Variants in NALCN observed in about 807,000 individuals in gnomAD.
NALCN encodes sodium leak channel NALCN.
A neutral mutation model predicts 225.3 loss-of-function variants in NALCN; 111 were observed. That is an observed-to-expected ratio of 0.49 (90% CI 0.42 to 0.58). NALCN has a LOEUF of 0.58. Ranked by LOEUF, NALCN falls within the 20% of genes least tolerant of loss-of-function variation. The pLI, the probability that NALCN is intolerant of heterozygous loss-of-function variation, is 0.00. For synonymous variants in NALCN, 764 were observed against 769.0 expected, an observed-to-expected ratio of 0.99 and a Z score of 0.11; for missense variants, 1,378 against 2,202.4, an observed-to-expected ratio of 0.63 and a Z score of 7.49.
chr13:101,073,767 G>A, intron 36 of NALCN, 90 bp from the exon 37 acceptor site: 1 of 1,096,266 alleles, frequency 9.1e-7, no homozygotes, highest in Non-Finnish European at 1.3e-6. Flanking sequence ...AACAAGTGGA[G>A]GTTGTAGCAA....
chr13:101,396,076 GA>G (rs2047284002), intron 2 of NALCN, among the ~76,000 whole-genome samples: 1 of 151,990 alleles, frequency 6.6e-6, no homozygotes. Flanking sequence ...ATTTAGCCCA[GA>G]CATCTTTCAA....
At chr13:101,173,381 G>C (rs2038826020) in intron 15 of NALCN, among the ~76,000 whole-genome samples, 1 of 152,150 alleles carries the variant, frequency 6.6e-6, no homozygotes, top group South Asian at 2.1e-4. Flanking sequence ...TAGAGGTTAA[G>C]AGTGTGGGCT....
intron 2 of NALCN, among the ~76,000 whole-genome samples, chr13:101,398,460 T>C (rs143280141): frequency 1.8e-4 from 28 of 152,294 alleles, no homozygotes; most frequent in African/African-American, 6.3e-4. Context: ...CCTGTCAGGC[T>C]TAGTTCTGGT....
At chr13:101,360,189 C>CCTCTCTCTCTCTCTCTCT (rs759523803) in intron 6 of NALCN, among the ~76,000 whole-genome samples, 30 of 89,318 alleles carry the variant, frequency 3.4e-4, no homozygotes, top group Non-Finnish European at 5.3e-4. Flanking sequence ...TTCCTCTCTT[C>CCTCTCTCTCTCTCTCTCT]CTCTCTCTCT....
intron 1 of NALCN, among the ~76,000 whole-genome samples, chr13:101,405,618 C>T (rs562919317): frequency 2.1e-4 from 32 of 152,316 alleles, no homozygotes; most frequent in African/African-American, 6.5e-4. Flanking sequence ...TCACCTCTCA[C>T]GGCCTCCACA....
At chr13:101,315,386 G>T (rs1197044702) in intron 7 of NALCN, among the ~76,000 whole-genome samples, 2 of 152,012 alleles carry the variant, frequency 1.3e-5, no homozygotes, top group Non-Finnish European at 2.9e-5. Flanking sequence ...TGCATGTATT[G>T]ATATTACAGG....
At chr13:101,260,877 T>C (rs1181799590) in intron 10 of NALCN, among the ~76,000 whole-genome samples, 1 of 152,234 alleles carries the variant, frequency 6.6e-6, no homozygotes, top group Non-Finnish European at 1.5e-5. Context: ...TGTAACTTGA[T>C]GTAATCCCAT....
chr13:101,217,755 G>A (rs2040793534), intron 13 of NALCN, among the ~76,000 whole-genome samples: 1 of 152,146 alleles, frequency 6.6e-6, no homozygotes, highest in Non-Finnish European at 1.5e-5. Context: ...TAAAAACAGG[G>A]AGAGCAGGAA....
At chr13:101,415,830 T>G (rs1417230907) in intron 1 of NALCN, among the ~76,000 whole-genome samples, 3 of 148,182 alleles carry the variant, frequency 2.0e-5, no homozygotes, top group Non-Finnish European at 3.0e-5. Context: ...ACCCGCGCGT[T>G]GGCCCAGAGG....
chr13:101,339,976 C>A (rs1057484549), intron 7 of NALCN, among the ~76,000 whole-genome samples: 2 of 152,128 alleles, frequency 1.3e-5, no homozygotes, highest in Non-Finnish European at 2.9e-5. Flanking sequence ...AGGTTAAGAA[C>A]ACCGTGCCCC....
intron 10 of NALCN, among the ~76,000 whole-genome samples, chr13:101,271,846 GGTGT>G (rs1226884823): frequency 6.6e-6 from 1 of 151,292 alleles, no homozygotes; most frequent in Non-Finnish European, 1.5e-5. Flanking sequence ...TGCATTGTGA[GGTGT>G]GTGTGAGCAT....
intron 7 of NALCN, among the ~76,000 whole-genome samples, chr13:101,333,941 T>C (rs927294076): frequency 3.3e-5 from 5 of 152,122 alleles, no homozygotes; most frequent in Admixed American, 2.0e-4. Flanking sequence ...TAGAGTTGTA[T>C]TTGAATTTGA....
chr13:101,307,712 C>A (rs1184410089), intron 7 of NALCN, among the ~76,000 whole-genome samples: 1 of 152,134 alleles, frequency 6.6e-6, no homozygotes, highest in Admixed American at 6.5e-5. Flanking sequence ...TTCCTTCCTG[C>A]ATTTTGGATT....
Position 101,083,721 on chromosome 13 carries a change from C to G in NALCN, c.3573G>C (p.Pro1191=). The G allele has an allele frequency of 3.7e-6, 6 of 1,613,322 alleles. No homozygotes were observed. Among genetic ancestry groups the G allele is most frequent in the Non-Finnish European group, 5.1e-6 (6 of 1,179,460 alleles). The change falls in exon 31 of 44, where the codon CCG becomes CCC. Residue 1191 remains proline (P), a synonymous_variant. Coordinates refer to ENST00000251127, the MANE Select transcript of NALCN (RefSeq NM_052867.4). ...RLKIAQPLHL[P]PRPDNDGFRA... is the part of the protein sequence containing the mutation. ...GAGCATTTTGGGTACCCGGGCGAGGCGGAAGATGAAGAGGCTGTGCGATCT... is the reference window on the plus strand; with the variant it reads ...GAGCATTTTGGGTACCCGGGCGAGGGGGAAGATGAAGAGGCTGTGCGATCT...
intron 15 of NALCN, among the ~76,000 whole-genome samples, chr13:101,162,450 A>C (rs2038235242): frequency 1.3e-5 from 2 of 152,196 alleles, no homozygotes; most frequent in Non-Finnish European, 2.9e-5. Flanking sequence ...GTGAAAGTTG[A>C]GTTCAAAAGG....
At chr13:101,159,923 G>A (rs2038079061) in intron 15 of NALCN, among the ~76,000 whole-genome samples, 1 of 150,506 alleles carries the variant, frequency 6.6e-6, no homozygotes. Flanking sequence ...GAGAGAGAAG[G>A]TTTTTTTTGT....
intron 1 of NALCN, among the ~76,000 whole-genome samples, chr13:101,414,240 T>C (rs966027691): frequency 1.3e-5 from 2 of 152,158 alleles, no homozygotes; most frequent in African/African-American, 4.8e-5. Context: ...ACAGCAAAAC[T>C]AGAAAATAAG....
chr13:101,145,377 T>C (rs1191970469), intron 15 of NALCN, among the ~76,000 whole-genome samples: 1 of 152,218 alleles, frequency 6.6e-6, no homozygotes, highest in Non-Finnish European at 1.5e-5. Context: ...TTATGTCGCC[T>C]AGCAGATTAA....
chr13:101,345,149 G>T, intron 7 of NALCN, 117 bp downstream of exon 7: 1 of 1,056,620 alleles, frequency 9.5e-7, no homozygotes, highest in Non-Finnish European at 1.3e-6. Flanking sequence ...ATTTATATTT[G>T]TATTTCTTCT....
Sources: gnomAD v4.1 joint callset for allele counts (sites outside exome capture counted in the v4.1 genomes callset) on GRCh38, gnomAD v4.1.1 for gene constraint, MANE v1.5 for transcripts, NCBI Gene and HGNC (gene_info 2026-07-23, HGNC 2026-07-21) for gene names.